CHRDL1: variants seen among roughly 807,000 people sequenced by gnomAD.
CHRDL1 encodes chordin-like protein 1.
A neutral mutation model predicts 40.9 loss-of-function variants in CHRDL1; 19 were observed. That is an observed-to-expected ratio of 0.46 (90% CI 0.32 to 0.68). CHRDL1 has a LOEUF of 0.68. CHRDL1 is among the 30% of genes least tolerant of loss of function. CHRDL1 has a pLI of 0.03. For synonymous variants in CHRDL1, 136 were observed against 123.4 expected, an observed-to-expected ratio of 1.10 and a Z score of -0.68; for missense variants, 329 against 352.1, an observed-to-expected ratio of 0.93 and a Z score of 0.53.
chrX:110,769,055 A>T (rs2089711037), intron 2 of CHRDL1, among the ~76,000 whole-genome samples: 1 of 111,794 alleles, frequency 8.9e-6, no homozygotes, highest in South Asian at 3.7e-4. Flanking sequence ...GCCTTATTGT[A>T]CATGATATAT....
intron 1 of CHRDL1, 107 bp downstream of exon 1, chrX:110,795,637 C>G (rs966508451): frequency 2.7e-5 from 3 of 111,976 alleles, no homozygotes; most frequent in African/African-American, 9.8e-5. Flanking sequence ...ATTTGGGGCA[C>G]CCTGGGGAAA....
intron 2 of CHRDL1, among the ~76,000 whole-genome samples, chrX:110,787,423 C>T (rs1358814107): frequency 2.7e-5 from 3 of 111,875 alleles, no homozygotes; most frequent in African/African-American, 9.7e-5. Context: ...TAAGAATATA[C>T]TTTGAAAAGC....
chrX:110,710,776 T>C (rs1183731825), intron 6 of CHRDL1, among the ~76,000 whole-genome samples: 1 of 111,407 alleles, frequency 9.0e-6, no homozygotes, highest in African/African-American at 3.3e-5. Flanking sequence ...TGAGGAGAGG[T>C]AGGTGAGGAT....
chrX:110,731,363 C>T (rs1449021083), intron 4 of CHRDL1, among the ~76,000 whole-genome samples: 1 of 111,002 alleles, frequency 9.0e-6, no homozygotes, highest in East Asian at 2.8e-4. Context: ...AATTGGAACC[C>T]TTATACAGTG....
intron 6 of CHRDL1, among the ~76,000 whole-genome samples, chrX:110,702,018 A>C (rs932935603): frequency 8.9e-6 from 1 of 111,920 alleles, no homozygotes; most frequent in Non-Finnish European, 1.9e-5. Flanking sequence ...AAAAATAATG[A>C]ATTTTGAGGA....
chrX:110,770,766 C>T (rs2089742787), intron 2 of CHRDL1, among the ~76,000 whole-genome samples: 1 of 111,750 alleles, frequency 8.9e-6, no homozygotes, highest in South Asian at 3.7e-4. Flanking sequence ...GTTAGTTTAA[C>T]AACATAGAAT....
At chrX:110,707,256 G>T (rs950203568) in intron 6 of CHRDL1, among the ~76,000 whole-genome samples, 7 of 111,526 alleles carry the variant, frequency 6.3e-5, no homozygotes, top group African/African-American at 2.3e-4. Context: ...CAAGAAATCT[G>T]CAAGTTTTAT....
chrX:110,711,983 G>C (rs1386290563), intron 6 of CHRDL1, among the ~76,000 whole-genome samples: 4 of 111,860 alleles, frequency 3.6e-5, no homozygotes, highest in African/African-American at 1.3e-4. Flanking sequence ...TGAGCAAATT[G>C]TAAGTTCCAC....
At chrX:110,683,993 C>A (rs994941234) in intron 9 of CHRDL1, among the ~76,000 whole-genome samples, 1 of 111,829 alleles carries the variant, frequency 8.9e-6, no homozygotes, top group Non-Finnish European at 1.9e-5. Flanking sequence ...CTAATAAAAC[C>A]CCATGTCTTG....
At chrX:110,726,970 T>C (rs969929671) in intron 4 of CHRDL1, among the ~76,000 whole-genome samples, 3 of 112,339 alleles carry the variant, frequency 2.7e-5, no homozygotes, top group Non-Finnish European at 5.6e-5. Flanking sequence ...CCTGGCATTA[T>C]GTTACCTTAA....
chrX:110,698,445 T>C (rs2070446357), intron 7 of CHRDL1, among the ~76,000 whole-genome samples: 1 of 112,120 alleles, frequency 8.9e-6, no homozygotes, highest in Non-Finnish European at 1.9e-5. Flanking sequence ...ACAGATGCTA[T>C]TTATTATTCA....
chrX:110,778,361 G>A (rs1272232590), intron 2 of CHRDL1, among the ~76,000 whole-genome samples: 13 of 111,758 alleles, frequency 1.2e-4, no homozygotes, highest in African/African-American at 3.9e-4. Flanking sequence ...TGCATCTGAC[G>A]AAGGTCTAAT....
intron 6 of CHRDL1, among the ~76,000 whole-genome samples, chrX:110,716,033 A>G (rs1470514422): frequency 8.9e-6 from 1 of 112,683 alleles, no homozygotes; most frequent in Non-Finnish European, 1.9e-5. Context: ...AACTAAATCC[A>G]TATTGACTTA....
Position 110,675,606 on chromosome X carries a change from G to C in CHRDL1, c.*625C>G, listed in dbSNP as rs2069755831. 1 of 110,291 alleles carries C rather than the reference G, an allele frequency of 9.1e-6. No individual in the cohort carries two copies. The highest frequency in any genetic ancestry group is 3.3e-5 in the African/African-American group (1 of 30,230). The allele number at this position is 110,291 out of a possible 1,213,427, so 9.1% of individuals were successfully genotyped here. ...CAAGCTACTTGGGATCCAGTCAAGG[G>C]AAAAGTAACGTAGAATCTTGGCTAG... On this transcript the variant is annotated 3_prime_UTR_variant, in exon 12 of 12. Transcript: ENST00000372042.
chrX:110,750,630 C>T (rs2089339361), intron 4 of CHRDL1, among the ~76,000 whole-genome samples: 1 of 112,052 alleles, frequency 8.9e-6, no homozygotes, highest in Admixed American at 9.4e-5. Context: ...AGCAGAAATT[C>T]CTGGGCTAAT....
At chrX:110,733,657 C>A (rs1425031136) in intron 4 of CHRDL1, among the ~76,000 whole-genome samples, 1 of 111,358 alleles carries the variant, frequency 9.0e-6, no homozygotes, top group East Asian at 2.8e-4. Flanking sequence ...ACTGTAATCC[C>A]AGCACTTTGG....
chrX:110,749,694 G>C (rs2089322601), intron 4 of CHRDL1, among the ~76,000 whole-genome samples: 2 of 111,581 alleles, frequency 1.8e-5, no homozygotes, highest in Admixed American at 1.9e-4. Context: ...ATCACTTTTA[G>C]GGAATAGCTG....
intron 8 of CHRDL1, among the ~76,000 whole-genome samples, chrX:110,692,617 A>AACTATCTTT (rs2070302002): frequency 8.9e-6 from 1 of 112,365 alleles, no homozygotes; most frequent in African/African-American, 3.2e-5. Flanking sequence ...TTGAAAATCA[A>AACTATCTTT]GCTATCTTTA....
chrX:110,685,078 G>GT (rs1446772474), intron 9 of CHRDL1, among the ~76,000 whole-genome samples: 2 of 111,781 alleles, frequency 1.8e-5, no homozygotes, highest in Non-Finnish European at 3.8e-5. Flanking sequence ...ATTTTATTAT[G>GT]TTTTCTAAAT....
Sources: allele counts gnomAD v4.1 joint callset (sites outside exome capture counted in the v4.1 genomes callset), GRCh38; gene constraint gnomAD v4.1.1; transcripts MANE v1.5; gene names NCBI Gene and HGNC (gene_info 2026-07-23, HGNC 2026-07-21).